COL25A1: variants seen among roughly 807,000 people sequenced by gnomAD.
COL25A1 encodes the protein collagen alpha-1(XXV) chain.
In COL25A1, 103 loss-of-function variants were observed where a neutral mutation model predicts 128.4. The ratio of observed to expected loss-of-function variants is 0.80; its 90% CI spans 0.68 to 0.94. The LOEUF (loss-of-function observed/expected upper bound fraction) is 0.94, where lower values mean the gene tolerates loss of function less well. Ranked by LOEUF, COL25A1 falls within the 40% of genes least tolerant of loss-of-function variation. The pLI is 0.00. For synonymous variants in COL25A1, 279 were observed against 277.2 expected (o/e 1.01, Z -0.06); for missense variants, 745 against 840.0 (o/e 0.89, Z 1.40).
intron 6 of COL25A1, among the ~76,000 whole-genome samples, chr4:109,002,992 A>C (rs1319584472): frequency 6.6e-6 from 1 of 152,074 alleles, no homozygotes; most frequent in Non-Finnish European, 1.5e-5. Flanking sequence ...ATGTGTTCTC[A>C]TTGCTCAACT....
At chr4:109,138,518 A>G (rs970226240) in intron 3 of COL25A1, among the ~76,000 whole-genome samples, 3 of 152,124 alleles carry the variant, frequency 2.0e-5, no homozygotes, top group Non-Finnish European at 2.9e-5. Context: ...GGGGTTGCTG[A>G]GTCAAATGGT....
chr4:109,001,000 T>G (rs1427314013), intron 6 of COL25A1, among the ~76,000 whole-genome samples: 3 of 152,058 alleles, frequency 2.0e-5, no homozygotes, highest in Non-Finnish European at 2.9e-5. Flanking sequence ...ATGGTTTGAT[T>G]TGGTTTGGTG....
intron 31 of COL25A1, among the ~76,000 whole-genome samples, chr4:108,837,362 AATAG>A (rs1215495515): frequency 1.3e-5 from 2 of 152,184 alleles, no homozygotes; most frequent in African/African-American, 4.8e-5. Context: ...GTATTCACCA[AATAG>A]ATAGCATATT....
At chr4:108,918,369 A>G (rs939617484) in intron 12 of COL25A1, among the ~76,000 whole-genome samples, 153 bp from the exon 13 acceptor site, 6 of 152,234 alleles carry the variant, frequency 3.9e-5, no homozygotes, top group Non-Finnish European at 8.8e-5. Flanking sequence ...ATATAATGTA[A>G]GCAGATTCCT....
At chr4:108,942,749 CTTTTTTTTTTT>C (rs746618908) in intron 8 of COL25A1, among the ~76,000 whole-genome samples, 2 of 69,960 alleles carry the variant, frequency 2.9e-5, no homozygotes, top group African/African-American at 1.3e-4. Context: ...CACATCTGGA[CTTTTTTTTTTT>C]TTTTTTTTTT....
intron 8 of COL25A1, among the ~76,000 whole-genome samples, chr4:108,944,864 T>C (rs973199964): frequency 6.6e-6 from 1 of 152,202 alleles, no homozygotes; most frequent in African/African-American, 2.4e-5. Context: ...ATCTTGACTG[T>C]GAAAATGCTA....
At chr4:109,088,247 T>C (rs1167426539) in intron 3 of COL25A1, among the ~76,000 whole-genome samples, 1 of 152,042 alleles carries the variant, frequency 6.6e-6, no homozygotes, top group Non-Finnish European at 1.5e-5. Context: ...TTCCTCAGCT[T>C]TATGAGTCTG....
chr4:109,038,474 A>G (rs1759562553), intron 5 of COL25A1, among the ~76,000 whole-genome samples: 1 of 152,118 alleles, frequency 6.6e-6, no homozygotes, highest in Non-Finnish European at 1.5e-5. Context: ...TAGATGCCCT[A>G]TGGTTCTGTT....
rs376855394 is a variant in COL25A1 at position 109,150,089 on chromosome 4, GT to G, written c.368-99911del. On this transcript the variant is annotated intron_variant, in intron 3 of 37. Transcript: ENST00000399132. ...AGTGTGTATGTGTGTTTGTATGTCT[GT>G]ATGTGTGTGTGTGTGAACATGTGAT... is the stretch of plus-strand genomic sequence containing the variant. Among the ~76,000 whole-genome samples the G allele has an allele frequency of 4.6e-5, 7 of 151,758 alleles. 1 individual carries two copies. The highest frequency in any genetic ancestry group is 1.7e-4 in the African/African-American group (7 of 41,430).
chr4:108,972,606 T>C (rs1560954231), intron 8 of COL25A1, among the ~76,000 whole-genome samples: 1 of 152,190 alleles, frequency 6.6e-6, no homozygotes, highest in Non-Finnish European at 1.5e-5. Flanking sequence ...CCCATGAAGA[T>C]TCATCCTGTA....
chr4:109,006,059 G>A lies in COL25A1; in HGVS notation c.438+4299C>T, dbSNP rs761877729. ...AAAGAAGAGGAAAAAAGAAAAAGAA[G>A]ATAATCAAAATTTCAAGTTCCTGTT... is the stretch of plus-strand genomic sequence containing the variant. On this transcript the variant is annotated intron_variant, in intron 6 of 37. Coordinates refer to ENST00000399132, the MANE Select transcript of COL25A1 (RefSeq NM_198721.4). Among the ~76,000 whole-genome samples, 4 of 152,108 alleles carry A rather than the reference G, an allele frequency of 2.6e-5. No homozygotes were observed. The East Asian group carries it at 7.7e-4, about 29-fold the overall frequency.
rs1384591615 is a variant in COL25A1, at chr4:108,850,193, C to T, written c.1390-1390G>A. Among the ~76,000 whole-genome samples, 3 of 152,002 alleles carry T rather than the reference C, an allele frequency of 2.0e-5. No homozygotes were observed. The East Asian group carries it at 5.8e-4, about 29-fold the overall frequency. On this transcript the variant is annotated intron_variant, in intron 26 of 37. Coordinates refer to ENST00000399132, the MANE Select transcript of COL25A1 (RefSeq NM_198721.4). Reference sequence around the variant, plus strand: ...CATGAGTTATTCATTTATCCTTCACCCCTCAAATGGGGTTTGTAAGAGTTA... The same window carrying T: ...CATGAGTTATTCATTTATCCTTCACTCCTCAAATGGGGTTTGTAAGAGTTA...
chr4:109,104,424 T>TG (rs2126027312), intron 3 of COL25A1, among the ~76,000 whole-genome samples: 1 of 117,478 alleles, frequency 8.5e-6, no homozygotes, highest in South Asian at 2.8e-4. Flanking sequence ...CTCTCTTTTT[T>TG]GCAATCTGTA....
At chr4:109,142,404 G>T (rs1770498788) in intron 3 of COL25A1, among the ~76,000 whole-genome samples, 1 of 152,158 alleles carries the variant, frequency 6.6e-6, no homozygotes, top group Non-Finnish European at 1.5e-5. Context: ...TTGATTTGGG[G>T]TGGAGAGTTC....
chr4:108,852,184 G>A lies in COL25A1; in HGVS notation c.1389+52C>T, dbSNP rs373014276. ...TTTCAAAGATGCATATACTTAATAC[G>A]GTATTCCCTGCACTGTATGTGATAA... On this transcript the variant is annotated intron_variant, in intron 26 of 37. Coordinates refer to ENST00000399132, the MANE Select transcript of COL25A1 (RefSeq NM_198721.4). The A allele has an allele frequency of 4.3e-4, 579 of 1,346,566 alleles. 3 individuals are homozygous for A. The African/African-American group carries it at 6.3e-3, about 15-fold the overall frequency. The allele number at this position is 1,346,566 out of a possible 1,614,324, so 83.4% of individuals were successfully genotyped here.
chr4:109,090,663 A>G (rs1764813827), intron 3 of COL25A1, among the ~76,000 whole-genome samples: 1 of 152,182 alleles, frequency 6.6e-6, no homozygotes, highest in African/African-American at 2.4e-5. Flanking sequence ...TTTACTACTT[A>G]GTTTCACCCA....
rs1469707338 is a variant in COL25A1, at chr4:109,039,216, CCTT to C, written c.420+8949_420+8951del. On this transcript the variant is annotated intron_variant, in intron 5 of 37. Transcript: ENST00000399132. ...TCCTCCTTGTCCTTTAGCAGAATGG[CCTT>C]CTCAAATGTTCCTCTGACCCTGCCA... Among the ~76,000 whole-genome samples the C allele has an allele frequency of 2.0e-5, 3 of 152,092 alleles. No homozygotes were observed. In the East Asian group the frequency reaches 5.8e-4, roughly 29 times the overall value.
chr4:109,292,100 C>CT (rs1204416593), intron 3 of COL25A1, among the ~76,000 whole-genome samples: 1 of 151,896 alleles, frequency 6.6e-6, no homozygotes, highest in Non-Finnish European at 1.5e-5. Context: ...CTATGGAGTC[C>CT]TAAGGTTCTT....
At chr4:108,835,403 T>A (rs1733653515) in intron 31 of COL25A1, among the ~76,000 whole-genome samples, 1 of 151,604 alleles carries the variant, frequency 6.6e-6, no homozygotes, top group African/African-American at 2.4e-5. Flanking sequence ...ATGCTTCAGA[T>A]GCAGTTAATA....
Sources: allele counts gnomAD v4.1 joint callset (sites outside exome capture counted in the v4.1 genomes callset), GRCh38; gene constraint gnomAD v4.1.1; transcripts MANE v1.5; gene names NCBI Gene and HGNC (gene_info 2026-07-23, HGNC 2026-07-21).